The following TENM1 variants were observed in gnomAD, a reference collection of about 807,000 sequenced individuals.
TENM1 encodes teneurin transmembrane protein 1, also known as teneurin-1.
In TENM1, 35 loss-of-function variants were observed where a neutral mutation model predicts 174.8. The ratio of observed to expected loss-of-function variants is 0.20; its 90% CI spans 0.15 to 0.27. The LOEUF (loss-of-function observed/expected upper bound fraction) is 0.27. Among genes scored for constraint, TENM1 ranks in the 10% least tolerant of loss-of-function variants. The probability of loss-of-function intolerance (pLI) is 1.00; values close to 1 mark genes in which losing one functional copy is unlikely to be tolerated. For synonymous variants in TENM1, 781 were observed against 798.7 expected (o/e 0.98, Z 0.37); for missense variants, 1,633 against 2,130.1 (o/e 0.77, Z 4.59).
At chrX:124,651,487 A>G (rs1389305927) in intron 8 of TENM1, among the ~76,000 whole-genome samples, 1 of 112,072 alleles carries the variant, frequency 8.9e-6, no homozygotes, top group Non-Finnish European at 1.9e-5. Context: ...TTCTAGAACC[A>G]GTTGTTCTAA....
rs67614153 is a variant in TENM1 at position 124,481,713 on chromosome X, T to TATATATATATATATATATA, written c.3949+18_3949+19insTATATATATATATATATAT. 5.4e-5 allele frequency: 11 copies of TATATATATATATATATATA among 205,213 alleles called. No homozygotes were observed. The highest frequency in any genetic ancestry group is 8.3e-5 in the Non-Finnish European group (10 of 121,170). 16.9% of individuals were successfully genotyped at this position (205,213 alleles called of 1,213,427 possible). On this transcript the variant is annotated intron_variant, in intron 22 of 31. Coordinates refer to ENST00000422452, the Ensembl canonical transcript of TENM1. ...CCCAAGGGTATATATATATATATAT[T>TATATATATATATATATATA]TATTTATTTATTTTTTACCTCGAGG...
chrX:125,082,573 C>T, the TENM1 span, among the ~76,000 whole-genome samples: 1 of 110,983 alleles, frequency 9.0e-6, no homozygotes. Flanking sequence ...GTTTGGAATG[C>T]CATCCTCCTC....
the TENM1 span, among the ~76,000 whole-genome samples, chrX:125,025,861 T>C: frequency 9.0e-6 from 1 of 111,281 alleles, no homozygotes; most frequent in Admixed American, 9.6e-5. Context: ...TTAAAAAAAA[T>C]TAGAATGTAA....
the TENM1 span, among the ~76,000 whole-genome samples, chrX:124,978,632 T>G: frequency 8.9e-6 from 1 of 111,886 alleles, no homozygotes. Context: ...TTTTTAAGTC[T>G]GGTTTCCTAC....
At chrX:124,867,578 C>T (rs1032800462) in intron 3 of TENM1, among the ~76,000 whole-genome samples, 20 of 111,941 alleles carry the variant, frequency 1.8e-4, no homozygotes, top group African/African-American at 6.5e-4. Flanking sequence ...AGACCTGGAA[C>T]GTGACAAATA....
chrX:124,467,675 C>T (rs2266907), intron 22 of TENM1, among the ~76,000 whole-genome samples: 36,654 of 110,991 alleles, frequency 0.33, 5,008 homozygotes, highest in Middle Eastern at 0.46. Flanking sequence ...TTATTTAAAA[C>T]AAAACAAAAC....
intron 28 of TENM1, among the ~76,000 whole-genome samples, chrX:124,388,548 C>T (rs2060249085): frequency 8.9e-6 from 1 of 112,496 alleles, no homozygotes; most frequent in Non-Finnish European, 1.9e-5. Context: ...ATGAATCTAT[C>T]CAATGTCCAC....
At chrX:124,841,728 T>C (rs1419034177) in intron 3 of TENM1, among the ~76,000 whole-genome samples, 1 of 111,418 alleles carries the variant, frequency 9.0e-6, no homozygotes. Flanking sequence ...ACTATGTCTT[T>C]ATCACCTCAG....
At position 124,606,349 on chromosome X, in the gene TENM1, T is replaced by C. The variant is rs770545067; in HGVS notation, c.2077+35442A>G. On this transcript the variant is annotated intron_variant, in intron 11 of 31. Transcript: ENST00000422452. Reference sequence around the variant, plus strand: ...ACCTTTATCATCCTCATAATCTTAATCCTTTCTAAGTAACATGCTGTCCCA... The same window carrying C: ...ACCTTTATCATCCTCATAATCTTAACCCTTTCTAAGTAACATGCTGTCCCA... 2.1e-3 allele frequency among the ~76,000 whole-genome samples: 230 copies of C among 111,652 alleles called. 3 individuals are homozygous for C. The highest frequency in any genetic ancestry group is 1.5e-3 in the Non-Finnish European group (79 of 52,935).
Position 124,497,230 on chromosome X carries a change from T to A in TENM1, c.3481A>T (p.Ile1161Phe), listed in dbSNP as rs773360452. 9 of 1,206,579 alleles carry A rather than the reference T, an allele frequency of 7.5e-6. No homozygotes were observed. The Admixed American group carries it at 1.1e-4, about 15-fold the overall frequency. The stretch of plus-strand genomic sequence containing the variant: ...GATATGACTGGGGGCTGCTGGGAAA[T>A]GAACATATTTTCTCCATTCCCTTTA... The change falls in exon 20 of 32, where the codon ATT (isoleucine) becomes TTT (phenylalanine). Residue 1161 changes from isoleucine to phenylalanine, a missense_variant. Ile to Phe is a conservative substitution (Grantham distance 21). Transcript: ENST00000422452.
At chrX:124,891,874 T>G (rs983219775) in intron 3 of TENM1, among the ~76,000 whole-genome samples, 4 of 111,281 alleles carry the variant, frequency 3.6e-5, no homozygotes, top group Non-Finnish European at 7.5e-5. Context: ...ACAATGCATA[T>G]TTTTCATTTA....
At position 124,441,295 on chromosome X, in the gene TENM1, C is replaced by T. The variant is rs1476033795; in HGVS notation, c.4104+12042G>A. On this transcript the variant is annotated intron_variant, in intron 23 of 31. Transcript: ENST00000422452. ...AACTGTCCAGAGAAGTTTGGTAAAA[C>T]ATGCCTCTGTACTCCTGAAGAAATA... 5.3e-5 allele frequency among the ~76,000 whole-genome samples: 6 copies of T among 112,383 alleles called. No homozygotes were observed. The Admixed American group carries it at 5.7e-4, about 11-fold the overall frequency.
At chrX:124,474,892 C>A (rs1287304515) in intron 22 of TENM1, among the ~76,000 whole-genome samples, 1 of 112,089 alleles carries the variant, frequency 8.9e-6, no homozygotes, top group African/African-American at 3.2e-5. Context: ...AGAAACCCCC[C>A]CTAAATGAAA....
intron 22 of TENM1, among the ~76,000 whole-genome samples, chrX:124,456,968 A>T (rs2061115025): frequency 8.9e-6 from 1 of 112,054 alleles, no homozygotes; most frequent in African/African-American, 3.2e-5. Flanking sequence ...AACTGTACTA[A>T]GAAAACCACT....
chrX:124,438,914 A>G (rs1396563338), intron 23 of TENM1, among the ~76,000 whole-genome samples: 1 of 112,263 alleles, frequency 8.9e-6, no homozygotes, highest in Non-Finnish European at 1.9e-5. Context: ...TATTTAAATG[A>G]ACTCTGCGGA....
chrX:125,092,763 C>A, the TENM1 span, among the ~76,000 whole-genome samples: 1 of 112,102 alleles, frequency 8.9e-6, no homozygotes, highest in Non-Finnish European at 1.9e-5. Context: ...TAGCAACCAA[C>A]ACACAGAACA....
At chrX:124,909,773 C>T (rs1363615890) in intron 1 of TENM1, among the ~76,000 whole-genome samples, 1 of 112,086 alleles carries the variant, frequency 8.9e-6, no homozygotes, top group Non-Finnish European at 1.9e-5. Flanking sequence ...AGCTCCCTAG[C>T]ACAGAGCAGC....
At chrX:125,061,705 T>C in the TENM1 span, among the ~76,000 whole-genome samples, 1 of 111,703 alleles carries the variant, frequency 9.0e-6, no homozygotes, top group Admixed American at 9.5e-5. Context: ...TCGCTTGAGG[T>C]CAGCAGTACG....
intron 4 of TENM1, among the ~76,000 whole-genome samples, chrX:124,705,745 G>T (rs760581372): frequency 1.8e-5 from 2 of 112,011 alleles, no homozygotes; most frequent in Non-Finnish European, 3.8e-5. Flanking sequence ...CAAGTTGAAA[G>T]AATTTTATAA....
Sources: gnomAD v4.1 joint callset for allele counts (sites outside exome capture counted in the v4.1 genomes callset) on GRCh38, gnomAD v4.1.1 for gene constraint, MANE v1.5 for transcripts, NCBI Gene and HGNC (gene_info 2026-07-23, HGNC 2026-07-21) for gene names.